The following SLIT2 variants were observed in gnomAD, a reference collection of about 807,000 sequenced individuals.
SLIT2 encodes slit guidance ligand 2, also known as slit homolog 2 protein.
SLIT2 carries 41 observed loss-of-function variants against 185.7 expected under a neutral mutation model. The observed-to-expected ratio is 0.22, with a 90% CI of 0.17 to 0.29. SLIT2 has a LOEUF of 0.29. Ranked by LOEUF, SLIT2 falls within the 10% of genes least tolerant of loss-of-function variation. The pLI, the probability that SLIT2 is intolerant of heterozygous loss-of-function variation, is 1.00. For synonymous variants in SLIT2, 693 were observed against 680.2 expected, an observed-to-expected ratio of 1.02 and a Z score of -0.29; for missense variants, 1,571 against 1,909.0, an observed-to-expected ratio of 0.82 and a Z score of 3.30.
intron 5 of SLIT2, among the ~76,000 whole-genome samples, chr4:20,479,876 G>C (rs1577743941): frequency 6.6e-6 from 1 of 152,050 alleles, no homozygotes; most frequent in Admixed American, 6.6e-5. Flanking sequence ...CAGCTTTTAG[G>C]CTTTTTACCA....
intron 5 of SLIT2, among the ~76,000 whole-genome samples, chr4:20,472,317 T>TATATATCTATATATATAGATATATAG (rs1715254972): frequency 3.1e-5 from 1 of 32,048 alleles, no homozygotes; most frequent in African/African-American, 1.8e-4. Flanking sequence ...TATATATAGA[T>TATATATCTATATATATAGATATATAG]ATATATATCT....
At chr4:20,467,181 CCTG>C (rs1714453525) in intron 4 of SLIT2, among the ~76,000 whole-genome samples, 1 of 152,092 alleles carries the variant, frequency 6.6e-6, no homozygotes, top group Admixed American at 6.5e-5. Flanking sequence ...TTTATGTAAA[CCTG>C]CTATTAATAT....
At chr4:20,318,984 G>A (rs1388478101) in intron 4 of SLIT2, among the ~76,000 whole-genome samples, 1 of 152,112 alleles carries the variant, frequency 6.6e-6, no homozygotes, top group Non-Finnish European at 1.5e-5. Flanking sequence ...AAGTAGAGAG[G>A]ACTTTACTGC....
intron 12 of SLIT2, 100 bp from the exon 13 acceptor site, chr4:20,523,660 G>T: frequency 1.1e-6 from 1 of 933,350 alleles, no homozygotes; most frequent in Non-Finnish European, 1.7e-6. Flanking sequence ...GAGGTGAAAA[G>T]AAATATATTT....
In SLIT2 at chr4:20,398,895, A is replaced by G. The variant is rs537170355; in HGVS notation, c.396-68857A>G. On this transcript the variant is annotated intron_variant, in intron 4 of 36. Transcript: ENST00000504154. The stretch of plus-strand genomic sequence containing the variant: ...CTTTCGACAATACAAAATTCTAATG[A>G]TATTATAAATTCATGCAGTTATACT... Among the ~76,000 whole-genome samples the G allele has an allele frequency of 2.8e-4, 42 of 151,922 alleles. 1 individual carries two copies. The highest frequency in any genetic ancestry group is 8.7e-4 in the African/African-American group (36 of 41,506).
chr4:20,254,018 C>T lies in SLIT2; in HGVS notation c.179+24C>T, dbSNP rs73801487. 2.1e-3 allele frequency: 3,285 copies of T among 1,590,958 alleles called. 66 individuals carry two copies. In the African/African-American group the frequency reaches 0.04, roughly 19 times the overall value. The stretch of plus-strand genomic sequence containing the variant: ...CTGTGAGTATGCGCTCTTCGTCTTC[C>T]CCTCTCCCCATCCGGGCCGCGCACC... On this transcript the variant is annotated intron_variant, in intron 1 of 36. Transcript: ENST00000504154. This position sits in a 1 kb window ranked among gnomAD's most constrained non-coding sequence, Gnocchi z 5.1.
At chr4:20,371,589 A>G (rs1374536760) in intron 4 of SLIT2, among the ~76,000 whole-genome samples, 2 of 151,984 alleles carry the variant, frequency 1.3e-5, no homozygotes, top group Non-Finnish European at 2.9e-5. Context: ...CCACTTTTTC[A>G]GGCTTCCTGT....
intron 33 of SLIT2, among the ~76,000 whole-genome samples, chr4:20,602,806 T>G (rs919560158): frequency 3.3e-5 from 5 of 152,154 alleles, no homozygotes; most frequent in African/African-American, 1.2e-4. Context: ...TTGGGAATAT[T>G]CGCACCACAA....
At chr4:20,463,028 AC>A (rs1713900395) in intron 4 of SLIT2, among the ~76,000 whole-genome samples, 1 of 152,290 alleles carries the variant, frequency 6.6e-6, no homozygotes, top group South Asian at 2.1e-4. Context: ...AATCCACCTA[AC>A]AATCCTATGA....
intron 4 of SLIT2, among the ~76,000 whole-genome samples, chr4:20,353,498 C>A (rs1055324232): frequency 6.6e-6 from 1 of 151,832 alleles, no homozygotes; most frequent in Non-Finnish European, 1.5e-5. Context: ...AAGGCAGGAG[C>A]TAGTACAAAT....
chr4:20,330,375 T>C (rs1719961604), intron 4 of SLIT2, among the ~76,000 whole-genome samples: 1 of 152,024 alleles, frequency 6.6e-6, no homozygotes, highest in African/African-American at 2.4e-5. Context: ...ATAAAAGTAG[T>C]GTATTAGGTG....
At chr4:20,286,899 T>G (rs1715324457) in intron 4 of SLIT2, among the ~76,000 whole-genome samples, 1 of 152,170 alleles carries the variant, frequency 6.6e-6, no homozygotes, top group South Asian at 2.1e-4. Flanking sequence ...TTTCCACGCA[T>G]TACACTCAAA....
intron 4 of SLIT2, among the ~76,000 whole-genome samples, chr4:20,369,045 G>A (rs1723359602): frequency 6.6e-6 from 1 of 152,078 alleles, no homozygotes; most frequent in East Asian, 1.9e-4. Flanking sequence ...GAATTCAATT[G>A]CAGTTGACTA....
intron 4 of SLIT2, among the ~76,000 whole-genome samples, chr4:20,362,752 T>C (rs1216809494): frequency 6.6e-6 from 1 of 152,008 alleles, no homozygotes; most frequent in Non-Finnish European, 1.5e-5. Context: ...TCTTGAAGGT[T>C]ATTCTGGAAG....
chr4:20,608,017 A>G (rs887521163), intron 33 of SLIT2, among the ~76,000 whole-genome samples: 2 of 152,156 alleles, frequency 1.3e-5, no homozygotes, highest in African/African-American at 2.4e-5. Context: ...CTTACAATCA[A>G]TATTTAAAAT....
In SLIT2 at chr4:20,470,080, A is replaced by G. The variant is rs149443011; in HGVS notation, c.467+2257A>G. On this transcript the variant is annotated intron_variant, in intron 5 of 36. Coordinates refer to ENST00000504154, the MANE Select transcript of SLIT2 (RefSeq NM_004787.4). ...AGTTTTTACTTTTATAAAGTAAACAATAGTTATTTGGGTTTGGTATGGTTA... is the reference window on the plus strand; with the variant it reads ...AGTTTTTACTTTTATAAAGTAAACAGTAGTTATTTGGGTTTGGTATGGTTA... Among the ~76,000 whole-genome samples, 35 of 152,150 alleles carry G rather than the reference A, an allele frequency of 2.3e-4. 1 individual carries two copies. The East Asian group carries it at 6.6e-3, about 29-fold the overall frequency.
At chr4:20,589,148 A>G (rs10005470) in intron 29 of SLIT2, among the ~76,000 whole-genome samples, 5,251 of 152,178 alleles carry the variant, frequency 0.035, 308 homozygotes, top group African/African-American at 0.11. Context: ...CAGCTAGCCT[A>G]TGGTCTTGTC....
chr4:20,292,383 AT>A (rs1240453039), intron 4 of SLIT2, among the ~76,000 whole-genome samples: 1 of 152,132 alleles, frequency 6.6e-6, no homozygotes, highest in Non-Finnish European at 1.5e-5. Context: ...AGTAATATTA[AT>A]TAATTCATAG....
In SLIT2 at chr4:20,342,717, C is replaced by CTTTTTT. The variant is rs11373611; in HGVS notation, c.395+73856_395+73861dup. On this transcript the variant is annotated intron_variant, in intron 4 of 36. Coordinates refer to ENST00000504154, the MANE Select transcript of SLIT2 (RefSeq NM_004787.4). ...ATTCTGCCATTCATCGACTATCGCA[C>CTTTTTT]TTTTTTTTTTTTTTTTTTTTTTTTT... Among the ~76,000 whole-genome samples, 24 of 69,678 alleles carry CTTTTTT rather than the reference C, an allele frequency of 3.4e-4. 2 individuals are homozygous for CTTTTTT. The highest frequency in any genetic ancestry group is 1.3e-3 in the Admixed American group (5 of 3,888). 45.7% of individuals were successfully genotyped at this position (69,678 alleles called of 152,430 possible). A position where few individuals can be genotyped will look rare whatever the true frequency, so the allele number is the denominator to read the frequency against.
Sources: allele counts gnomAD v4.1 joint callset (sites outside exome capture counted in the v4.1 genomes callset), GRCh38; gene constraint gnomAD v4.1.1; non-coding constraint Gnocchi (gnomAD v3.1); transcripts MANE v1.5; gene names NCBI Gene and HGNC (gene_info 2026-07-23, HGNC 2026-07-21).